Variants in RANBP2 observed in about 807,000 individuals in gnomAD.
RANBP2 encodes RAN binding protein 2, also known as E3 SUMO-protein ligase RanBP2.
A neutral mutation model predicts 303.6 loss-of-function variants in RANBP2; 57 were observed. The observed-to-expected ratio is 0.19, with a 90% confidence interval of 0.15 to 0.23. The LOEUF (loss-of-function observed/expected upper bound fraction) is 0.23. Among genes scored for constraint, RANBP2 ranks in the 10% least tolerant of loss-of-function variants. The pLI is 1.00. For missense variants in RANBP2, 3,138 were observed against 3,780.8 expected (o/e 0.83, Z 4.46); for synonymous variants, 1,167 against 1,301.5 (o/e 0.90, Z 2.23).
chr2:109,201,739 A>G, the RANBP2 span, among the ~76,000 whole-genome samples: 54 of 152,330 alleles, frequency 3.5e-4, no homozygotes, highest in African/African-American at 1.3e-3. Context: ...GCCCAGGGGC[A>G]CAGCCAAGCG....
At chr2:109,060,525 T>A in the RANBP2 span, among the ~76,000 whole-genome samples, 10 of 152,328 alleles carry the variant, frequency 6.6e-5, no homozygotes, top group African/African-American at 2.2e-4. Context: ...TGCTTTTGTC[T>A]CTCTATAGCG....
At chr2:109,617,856 T>A in the RANBP2 span, 2 of 159,150 alleles carry the variant, frequency 1.3e-5, no homozygotes, top group Admixed American at 6.6e-5. Flanking sequence ...CTGTCTCTAC[T>A]AAAAATACAA....
the RANBP2 span, among the ~76,000 whole-genome samples, chr2:109,312,095 C>A: frequency 6.6e-6 from 1 of 152,154 alleles, no homozygotes; most frequent in South Asian, 2.1e-4. Context: ...TTATGGTTTC[C>A]TTTAGCATTG....
chr2:109,490,556 C>T, the RANBP2 span: 438 of 1,346,692 alleles, frequency 3.3e-4, no homozygotes, highest in African/African-American at 6.0e-3. Context: ...ACAGCAAGGG[C>T]ATTGGGAAGC....
the RANBP2 span, among the ~76,000 whole-genome samples, chr2:109,578,043 C>G: frequency 6.6e-6 from 1 of 151,486 alleles, no homozygotes; most frequent in Non-Finnish European, 1.5e-5. Context: ...AAACACTCAT[C>G]TTCAACTTTA....
the RANBP2 span, among the ~76,000 whole-genome samples, chr2:108,962,698 A>G: frequency 0.72 from 90,094 of 125,926 alleles, 38,272 homozygotes; most frequent in Non-Finnish European, 0.94. Context: ...AAAAAAAAAA[A>G]AAAGAGAGAA....
chr2:108,957,205 C>G, the RANBP2 span, among the ~76,000 whole-genome samples: 1 of 152,226 alleles, frequency 6.6e-6, no homozygotes, highest in Non-Finnish European at 1.5e-5. Context: ...AGTTCCAGCC[C>G]TCACACTGCA....
chr2:109,182,389 C>T, the RANBP2 span, among the ~76,000 whole-genome samples: 1 of 152,196 alleles, frequency 6.6e-6, no homozygotes, highest in Non-Finnish European at 1.5e-5. Flanking sequence ...CCCTCATGAC[C>T]TAATCACCTC....
the RANBP2 span, among the ~76,000 whole-genome samples, chr2:109,203,891 C>G: frequency 6.6e-6 from 1 of 152,222 alleles, no homozygotes; most frequent in Admixed American, 6.5e-5. Context: ...TGCGGCCTGG[C>G]AGCCCTTGAT....
the RANBP2 span, among the ~76,000 whole-genome samples, chr2:109,774,518 T>TATATAATAC: frequency 4.7e-5 from 4 of 85,000 alleles, no homozygotes; most frequent in Non-Finnish European, 8.0e-5. Context: ...ATATATAATA[T>TATATAATAC]ATATTATATA....
chr2:109,606,082 T>G, the RANBP2 span, among the ~76,000 whole-genome samples: 1 of 152,130 alleles, frequency 6.6e-6, no homozygotes, highest in Non-Finnish European at 1.5e-5. Context: ...TCCAAAAAAC[T>G]AGAGATAACA....
chr2:109,585,653 A>G, the RANBP2 span: 1 of 1,044,780 alleles, frequency 9.6e-7, no homozygotes, highest in Non-Finnish European at 1.5e-6. Context: ...TGTTCTGCCC[A>G]TGACAAGAAT....
chr2:109,645,813 G>GT, the RANBP2 span, among the ~76,000 whole-genome samples: 6 of 152,142 alleles, frequency 3.9e-5, no homozygotes, highest in African/African-American at 1.4e-4. Flanking sequence ...TCTATACCCG[G>GT]TAAGTCCAGC....
At chr2:108,873,612 A>C in the RANBP2 span, 1 of 1,522,474 alleles carries the variant, frequency 6.6e-7, no homozygotes, top group Non-Finnish European at 9.0e-7. Flanking sequence ...TATTTCTAAC[A>C]TTTTTTATTG....
chr2:108,890,232 C>CTTTTTTT, the RANBP2 span, among the ~76,000 whole-genome samples: 8 of 114,698 alleles, frequency 7.0e-5, no homozygotes, highest in African/African-American at 1.0e-4. Flanking sequence ...ATGGGGTTTT[C>CTTTTTTT]TTTTTTTTTT....
At chr2:109,076,013 T>C in the RANBP2 span, among the ~76,000 whole-genome samples, 3 of 150,748 alleles carry the variant, frequency 2.0e-5, no homozygotes, top group African/African-American at 7.3e-5. Flanking sequence ...CCAATATCTC[T>C]GATGAACATA....
At chr2:109,457,603 C>T in the RANBP2 span, among the ~76,000 whole-genome samples, 2 of 152,220 alleles carry the variant, frequency 1.3e-5, no homozygotes, top group Non-Finnish European at 1.5e-5. Flanking sequence ...GTGGCTGGGG[C>T]GAGCGATGCA....
At chr2:108,777,086 C>G (rs764577357) in intron 24 of RANBP2, 44 bp from the exon 25 acceptor site, 3 of 1,545,062 alleles carry the variant, frequency 1.9e-6, no homozygotes, top group Non-Finnish European at 1.8e-6. Context: ...CTTTGATATT[C>G]AGCACAAATT....
At chr2:109,618,682 T>C in the RANBP2 span, 5 of 167,084 alleles carry the variant, frequency 3.0e-5, no homozygotes, top group East Asian at 7.7e-4. Flanking sequence ...GTGCCTACCT[T>C]TAATGGAAAA....
Sources: allele counts gnomAD v4.1 joint callset (sites outside exome capture counted in the v4.1 genomes callset), GRCh38; gene constraint gnomAD v4.1.1; transcripts MANE v1.5; gene names NCBI Gene and HGNC (gene_info 2026-07-23, HGNC 2026-07-21).